Variants in RGS6 observed in about 807,000 individuals in gnomAD.
The protein encoded by RGS6 is regulator of G protein signaling 6.
RGS6 carries 30 observed loss-of-function variants against 78.5 expected under a neutral mutation model. That is an observed-to-expected ratio of 0.38 (90% CI 0.29 to 0.52). RGS6 has a LOEUF of 0.52. Ranked by LOEUF, RGS6 falls within the 20% of genes least tolerant of loss-of-function variation. The probability of loss-of-function intolerance (pLI) is 0.85; values close to 1 mark genes in which losing one functional copy is unlikely to be tolerated. For missense variants in RGS6, 495 were observed against 609.7 expected (o/e 0.81, Z 1.98); for synonymous variants, 206 against 206.0 (o/e 1.00, Z 0.00).
At chr14:72,256,210 G>C (rs1437218255) in intron 2 of RGS6, among the ~76,000 whole-genome samples, 2 of 152,154 alleles carry the variant, frequency 1.3e-5, no homozygotes, top group Non-Finnish European at 2.9e-5. Context: ...GGGGGCTAGG[G>C]AATAGGTGCT....
At chr14:72,620,378 T>A in the RGS6 span, among the ~76,000 whole-genome samples, 19 of 152,352 alleles carry the variant, frequency 1.2e-4, no homozygotes, top group African/African-American at 4.3e-4. Flanking sequence ...AAGATCTTAA[T>A]TGAATTCTTC....
Position 72,097,197 on chromosome 14 carries a change from C to T in RGS6, c.84+132322C>T, listed in dbSNP as rs148010601. Among the ~76,000 whole-genome samples, 632 of 152,232 alleles carry T rather than the reference C, an allele frequency of 4.2e-3. 5 individuals carry two copies. The highest frequency in any genetic ancestry group is 0.014 in the African/African-American group (581 of 41,548). ...GATATTAATAGTTACAAACAAAAAA[C>T]AAAACATGCAACAATTCCAAGCTCA... On this transcript the variant is annotated intron_variant, in intron 2 of 17. Coordinates refer to ENST00000553525, the MANE Select transcript of RGS6 (RefSeq NM_001204424.2).
intron 2 of RGS6, among the ~76,000 whole-genome samples, chr14:72,111,819 C>T (rs549143803): frequency 6.6e-5 from 10 of 152,168 alleles, no homozygotes; most frequent in Admixed American, 6.5e-5. Flanking sequence ...AGCATTCAGA[C>T]CATTTGCTTA....
intron 2 of RGS6, among the ~76,000 whole-genome samples, chr14:72,114,193 A>T (rs1251326070): frequency 2.0e-5 from 3 of 152,088 alleles, no homozygotes; most frequent in African/African-American, 7.2e-5. Context: ...TGCAAAATAG[A>T]AGCACGCCTC....
At chr14:72,282,285 G>A (rs1361915553) in intron 2 of RGS6, among the ~76,000 whole-genome samples, 2 of 152,122 alleles carry the variant, frequency 1.3e-5, no homozygotes, top group Non-Finnish European at 2.9e-5. Flanking sequence ...ATCTCTTTGT[G>A]ACCAAGTACC....
chr14:72,224,722 A>G (rs2047702418), intron 2 of RGS6, among the ~76,000 whole-genome samples: 1 of 152,176 alleles, frequency 6.6e-6, no homozygotes, highest in Non-Finnish European at 1.5e-5. Context: ...TGTGTGCATC[A>G]GTATATAAAG....
intron 2 of RGS6, among the ~76,000 whole-genome samples, chr14:72,002,844 C>G (rs1016618080): frequency 2.0e-5 from 3 of 152,116 alleles, no homozygotes; most frequent in African/African-American, 7.2e-5. Flanking sequence ...CATCTAGAGT[C>G]ATGGTGGTTT....
intron 14 of RGS6, among the ~76,000 whole-genome samples, chr14:72,514,220 C>T (rs542411162): frequency 7.4e-4 from 112 of 152,320 alleles, no homozygotes; most frequent in African/African-American, 2.5e-3. Context: ...CTGCTGCCTA[C>T]GTCTCTGGTT....
intron 2 of RGS6, among the ~76,000 whole-genome samples, chr14:72,244,585 G>A (rs1357735735): frequency 2.0e-5 from 3 of 151,980 alleles, no homozygotes; most frequent in East Asian, 1.9e-4. Flanking sequence ...TCCTTCCCTC[G>A]TGCCAGGAGC....
rs1052190326 is a variant in RGS6 at position 72,055,675 on chromosome 14, A to G, written c.84+90800A>G. On this transcript the variant is annotated intron_variant, in intron 2 of 17. Coordinates refer to ENST00000553525, the MANE Select transcript of RGS6 (RefSeq NM_001204424.2). ...TTTTTTTTTTAAATAAAAGCTTCCCAGGTGATTCTAACGTGCAGTCAAGGT... is the reference window on the plus strand; with the variant it reads ...TTTTTTTTTTAAATAAAAGCTTCCCGGGTGATTCTAACGTGCAGTCAAGGT... Among the ~76,000 whole-genome samples, 8 of 152,274 alleles carry G rather than the reference A, an allele frequency of 5.3e-5. No individual in the cohort carries two copies. In the East Asian group the frequency reaches 1.5e-3, roughly 29 times the overall value.
chr14:72,198,520 C>A (rs76726490), intron 2 of RGS6, among the ~76,000 whole-genome samples: 2,092 of 152,300 alleles, frequency 0.014, 23 homozygotes, highest in Non-Finnish European at 0.021. Flanking sequence ...GAAACAGATT[C>A]ATGGGTTTTC....
intron 17 of RGS6, chr14:72,541,133 G>A (rs1453801811): frequency 7.3e-7 from 1 of 1,369,158 alleles, no homozygotes; most frequent in East Asian, 4.2e-5. Context: ...CAGGGAGCTG[G>A]CCACATTCCC....
At chr14:72,407,401 C>T (rs2093028592) in intron 3 of RGS6, among the ~76,000 whole-genome samples, 1 of 152,154 alleles carries the variant, frequency 6.6e-6, no homozygotes, top group South Asian at 2.1e-4. Flanking sequence ...ATTGCTGTTC[C>T]TAATGTCTTT....
At chr14:72,008,881 C>A (rs2085113418) in intron 2 of RGS6, among the ~76,000 whole-genome samples, 1 of 152,250 alleles carries the variant, frequency 6.6e-6, no homozygotes, top group Non-Finnish European at 1.5e-5. Flanking sequence ...GCAAAATTGG[C>A]TTGGCTGGCA....
Position 72,499,611 on chromosome 14 carries a change from A to G in RGS6, c.965+4349A>G, listed in dbSNP as rs183573070. On this transcript the variant is annotated intron_variant, in intron 13 of 17. Coordinates refer to ENST00000553525, the MANE Select transcript of RGS6 (RefSeq NM_001204424.2). The stretch of plus-strand genomic sequence containing the variant: ...TTTCTCAAAGCTCTCATCTGCTGAT[A>G]GGAAATTTCTTTGCCTCTACATACT... Among the ~76,000 whole-genome samples the G allele has an allele frequency of 2.1e-4, 32 of 152,232 alleles. No individual in the cohort carries two copies. In the East Asian group the frequency reaches 2.5e-3, roughly 12 times the overall value.
At chr14:72,422,173 G>C (rs1437186587) in intron 3 of RGS6, among the ~76,000 whole-genome samples, 1 of 152,100 alleles carries the variant, frequency 6.6e-6, no homozygotes, top group Non-Finnish European at 1.5e-5. Flanking sequence ...TGATTGTGAG[G>C]CCTCCCCAGC....
intron 3 of RGS6, among the ~76,000 whole-genome samples, chr14:72,392,826 G>A (rs961493454): frequency 6.6e-6 from 1 of 152,120 alleles, no homozygotes; most frequent in Non-Finnish European, 1.5e-5. Context: ...AGGGTCAAGT[G>A]TGCACTTTCT....
intron 13 of RGS6, among the ~76,000 whole-genome samples, chr14:72,507,649 A>T (rs552893791): frequency 6.0e-4 from 92 of 152,312 alleles, no homozygotes; most frequent in African/African-American, 2.2e-3. Context: ...CCACCAAGGA[A>T]TCTGGTGGAA....
chr14:71,947,813 A>C (rs753350447), intron 1 of RGS6, among the ~76,000 whole-genome samples: 4 of 152,134 alleles, frequency 2.6e-5, no homozygotes, highest in Non-Finnish European at 4.4e-5. Flanking sequence ...TGGTTGGGGG[A>C]GTTTTCTGTA....
Sources: gnomAD v4.1 joint callset for allele counts (sites outside exome capture counted in the v4.1 genomes callset) on GRCh38, gnomAD v4.1.1 for gene constraint, MANE v1.5 for transcripts, NCBI Gene and HGNC (gene_info 2026-07-23, HGNC 2026-07-21) for gene names.